SLC39A11: variants seen among roughly 807,000 people sequenced by gnomAD.
SLC39A11 encodes zinc transporter ZIP11.
SLC39A11 carries 33 observed loss-of-function variants against 36.1 expected under a neutral mutation model. The observed-to-expected ratio is 0.91, with a 90% CI of 0.69 to 1.22. The LOEUF (loss-of-function observed/expected upper bound fraction) is 1.22, where lower values mean the gene tolerates loss of function less well. Among genes scored for constraint, SLC39A11 ranks in the 50% most tolerant of loss-of-function variants. The pLI is 0.00. For synonymous variants in SLC39A11, 166 were observed against 170.3 expected (o/e 0.97, Z 0.20); for missense variants, 432 against 430.3 (o/e 1.00, Z -0.03).
Position 73,025,663 on chromosome 17 carries a change from G to C in SLC39A11, c.306+5893C>G, listed in dbSNP as rs1284589035. 2.0e-5 allele frequency among the ~76,000 whole-genome samples: 3 copies of C among 152,300 alleles called. No individual in the cohort carries two copies. In the East Asian group the frequency reaches 5.8e-4, roughly 29 times the overall value. On this transcript the variant is annotated intron_variant, in intron 4 of 9. Transcript: ENST00000255559. The stretch of plus-strand genomic sequence containing the variant: ...GTATGCTTGCACATATGCAAGAAAA[G>C]AAGATCGAAATAGAGTCAGAAGAAA...
At chr17:73,038,757 GGGAGGAGGGAT>G (rs1568169538) in intron 3 of SLC39A11, among the ~76,000 whole-genome samples, 5 of 122,062 alleles carry the variant, frequency 4.1e-5, no homozygotes. Context: ...GGAGGAGGGA[GGGAGGAGGGAT>G]GGAGGAGGGA....
chr17:72,771,443 T>C (rs182670060), intron 6 of SLC39A11, among the ~76,000 whole-genome samples: 1 of 151,842 alleles, frequency 6.6e-6, no homozygotes, highest in Non-Finnish European at 1.5e-5. Context: ...AGTCACTTCG[T>C]GCCTCGTGTT....
intron 6 of SLC39A11, among the ~76,000 whole-genome samples, chr17:72,814,868 GCTA>G (rs1260460650): frequency 1.3e-5 from 2 of 152,168 alleles, no homozygotes; most frequent in Non-Finnish European, 2.9e-5. Context: ...TTGAGAATCT[GCTA>G]CTTCAAGGAC....
intron 3 of SLC39A11, among the ~76,000 whole-genome samples, chr17:73,071,329 A>G (rs1243853432): frequency 6.6e-6 from 1 of 152,338 alleles, no homozygotes; most frequent in South Asian, 2.1e-4. Flanking sequence ...CTTTGTGACA[A>G]GAAGAATGGA....
chr17:72,893,115 C>T (rs2081843018), intron 5 of SLC39A11, among the ~76,000 whole-genome samples: 1 of 152,018 alleles, frequency 6.6e-6, no homozygotes, highest in African/African-American at 2.4e-5. Flanking sequence ...AACTTCCCTC[C>T]AAAAAGAAAA....
chr17:72,737,527 T>C (rs966693903), intron 6 of SLC39A11, among the ~76,000 whole-genome samples: 15 of 152,132 alleles, frequency 9.9e-5, no homozygotes, highest in Admixed American at 2.6e-4. Flanking sequence ...CAACAGAAAG[T>C]CCAAGGTTGA....
intron 4 of SLC39A11, among the ~76,000 whole-genome samples, chr17:73,008,042 G>A (rs184765957): frequency 5.3e-5 from 8 of 151,956 alleles, no homozygotes; most frequent in Admixed American, 4.6e-4. Flanking sequence ...GGTAGAAGGT[G>A]CAGCAAGCCA....
Position 72,787,051 on chromosome 17 carries a change from C to A in SLC39A11, c.602-50332G>T, listed in dbSNP as rs553044382. On this transcript the variant is annotated intron_variant, in intron 6 of 9. Coordinates refer to ENST00000255559, the MANE Select transcript of SLC39A11 (RefSeq NM_139177.4). Reference sequence around the variant, plus strand: ...GTCAGGCTGGTCTTGAACTCCTGATCTCAGGTGATCTGCCCTCCTCAGCCT... The same window carrying A: ...GTCAGGCTGGTCTTGAACTCCTGATATCAGGTGATCTGCCCTCCTCAGCCT... Among the ~76,000 whole-genome samples the A allele has an allele frequency of 8.0e-4, 121 of 152,176 alleles. 5 individuals carry two copies. The South Asian group carries it at 0.022, about 27-fold the overall frequency.
chr17:72,879,807 A>T (rs965070805), intron 5 of SLC39A11, among the ~76,000 whole-genome samples: 2 of 152,244 alleles, frequency 1.3e-5, no homozygotes, highest in African/African-American at 4.8e-5. Context: ...TTGCTTCAGG[A>T]ATTCAGAAAT....
chr17:72,702,765 C>T (rs1165333770), intron 7 of SLC39A11, among the ~76,000 whole-genome samples: 2 of 151,536 alleles, frequency 1.3e-5, no homozygotes, highest in African/African-American at 2.4e-5. Context: ...GGTGAAACTC[C>T]GTCTCTACTA....
intron 7 of SLC39A11, among the ~76,000 whole-genome samples, chr17:72,695,802 C>T (rs73349452): frequency 0.022 from 3,405 of 152,210 alleles, 129 homozygotes; most frequent in African/African-American, 0.076. Flanking sequence ...CGGAATGATG[C>T]GGCCACCAGC....
intron 5 of SLC39A11, among the ~76,000 whole-genome samples, chr17:72,897,125 G>C (rs1368332374): frequency 2.0e-5 from 3 of 147,878 alleles, no homozygotes; most frequent in African/African-American, 7.6e-5. Flanking sequence ...TCCAACAACA[G>C]AAATTTGGAA....
At chr17:72,776,483 T>G (rs568141093) in intron 6 of SLC39A11, among the ~76,000 whole-genome samples, 1 of 152,144 alleles carries the variant, frequency 6.6e-6, no homozygotes, top group Non-Finnish European at 1.5e-5. Context: ...GAAATCTGTA[T>G]CAAAATGTTG....
intron 3 of SLC39A11, among the ~76,000 whole-genome samples, chr17:73,065,091 A>G (rs1203509189): frequency 5.9e-5 from 9 of 152,142 alleles, no homozygotes. Flanking sequence ...GTGGAAGAGA[A>G]TTATTATTGG....
intron 5 of SLC39A11, among the ~76,000 whole-genome samples, chr17:72,922,252 C>T (rs1021247516): frequency 3.3e-5 from 5 of 152,188 alleles, no homozygotes; most frequent in African/African-American, 1.2e-4. Flanking sequence ...CCAAATCTCC[C>T]GAAGACAGTT....
Position 72,715,588 on chromosome 17 carries a change from G to A in SLC39A11, c.671+21062C>T, listed in dbSNP as rs1038100823. On this transcript the variant is annotated intron_variant, in intron 7 of 9. Coordinates refer to ENST00000255559, the MANE Select transcript of SLC39A11 (RefSeq NM_139177.4). The stretch of plus-strand genomic sequence containing the variant: ...ATGCCACTTCTATGAGGTCCCTAGA[G>A]GAGTCACATTCATAGAGACAGAAAG... Among the ~76,000 whole-genome samples the A allele has an allele frequency of 5.3e-5, 8 of 152,334 alleles. No individual in the cohort carries two copies. In the East Asian group the frequency reaches 7.7e-4, roughly 15 times the overall value.
rs562555838 is a variant in SLC39A11, at chr17:72,769,245, T to G, written c.602-32526A>C. On this transcript the variant is annotated intron_variant, in intron 6 of 9. Transcript: ENST00000255559. ...CATGACAGTTAACAGCCCTTTACCC[T>G]TCCACGGCACTCATCTTTCTTTCCA... Among the ~76,000 whole-genome samples, 27 of 152,326 alleles carry G rather than the reference T, an allele frequency of 1.8e-4. 1 individual carries two copies. The East Asian group carries it at 4.4e-3, about 25-fold the overall frequency.
At chr17:73,049,543 T>C (rs1177718606) in intron 3 of SLC39A11, among the ~76,000 whole-genome samples, 5 of 152,212 alleles carry the variant, frequency 3.3e-5, no homozygotes, top group African/African-American at 9.6e-5. Flanking sequence ...TGTGCCAAGA[T>C]GCTTACAGCT....
intron 6 of SLC39A11, among the ~76,000 whole-genome samples, chr17:72,802,217 G>A (rs1223394128): frequency 6.6e-6 from 1 of 152,208 alleles, no homozygotes; most frequent in Non-Finnish European, 1.5e-5. Flanking sequence ...AGCCCAGGAA[G>A]GAGGTGAGGG....
Sources: allele counts gnomAD v4.1 joint callset (sites outside exome capture counted in the v4.1 genomes callset), GRCh38; gene constraint gnomAD v4.1.1; transcripts MANE v1.5; gene names NCBI Gene and HGNC (gene_info 2026-07-23, HGNC 2026-07-21).